CYP2F1: variants seen among roughly 807,000 people sequenced by gnomAD.
CYP2F1 encodes cytochrome P450 2F1.
CYP2F1 carries 33 observed loss-of-function variants against 40.4 expected under a neutral mutation model. The observed-to-expected ratio is 0.82, with a 90% CI of 0.62 to 1.09. The LOEUF (loss-of-function observed/expected upper bound fraction) is 1.09. Ranked by LOEUF, CYP2F1 falls within the 50% of genes least tolerant of loss-of-function variation. The probability of loss-of-function intolerance (pLI) is 0.00; values close to 1 mark genes in which losing one functional copy is unlikely to be tolerated. For missense variants in CYP2F1, 566 were observed against 655.7 expected (o/e 0.86, Z 1.49); for synonymous variants, 235 against 277.2 (o/e 0.85, Z 1.51).
chr19:41,119,625 G>T (rs1438432781), intron 3 of CYP2F1, among the ~76,000 whole-genome samples: 1 of 149,362 alleles, frequency 6.7e-6, no homozygotes, highest in Non-Finnish European at 1.5e-5. Context: ...GGAGGCGGAG[G>T]TTGCAGTAAG....
At chr19:41,119,723 C>CTCTCTCTCTCTCTATATATATA (rs1478574507) in intron 3 of CYP2F1, among the ~76,000 whole-genome samples, 2 of 35,802 alleles carry the variant, frequency 5.6e-5, no homozygotes, top group Non-Finnish European at 1.0e-4. Context: ...CTCTCTCTCT[C>CTCTCTCTCTCTCTATATATATA]TATATATATA....
intron 4 of CYP2F1, 36 bp downstream of exon 4, chr19:41,120,532 T>A: frequency 6.3e-7 from 1 of 1,580,830 alleles, no homozygotes; most frequent in Non-Finnish European, 8.6e-7. Flanking sequence ...GATGGCACGA[T>A]CTTTTTTTTT....
intron 7 of CYP2F1, chr19:41,123,247 G>A: frequency 3.8e-6 from 2 of 524,674 alleles, no homozygotes; most frequent in South Asian, 3.1e-5. Flanking sequence ...ACCCAGGCTG[G>A]AGTGCAGTGG....
chr19:41,124,693 G>A (rs1468468819), intron 7 of CYP2F1, 26 bp from the exon 8 acceptor site: 10 of 1,591,900 alleles, frequency 6.3e-6, no homozygotes, highest in African/African-American at 1.3e-5. Context: ...TGATACCCTC[G>A]ACCCCGCTTC....
chr19:41,115,012 C>T (rs989942113), intron 1 of CYP2F1, among the ~76,000 whole-genome samples: 11 of 152,042 alleles, frequency 7.2e-5, no homozygotes, highest in African/African-American at 1.7e-4. Context: ...TCAAGTGATC[C>T]GCCTGCCTCG....
chr19:41,118,357 A>C (rs2031945654), intron 3 of CYP2F1, among the ~76,000 whole-genome samples: 2 of 152,152 alleles, frequency 1.3e-5, no homozygotes, highest in Middle Eastern at 3.2e-3. Context: ...GGGATCCTGG[A>C]GACCTGCATC....
chr19:41,124,574 A>G, intron 7 of CYP2F1, 145 bp from the exon 8 acceptor site: 2 of 731,754 alleles, frequency 2.7e-6, no homozygotes, highest in Non-Finnish European at 4.4e-6. Flanking sequence ...GCTCTAGCTA[A>G]TTCTCACGTG....
Position 41,124,805 on chromosome 19 carries a change from G to T in CYP2F1, c.1051G>T (p.Ala351Ser). Residue 351 changes from alanine to serine, a missense_variant, in exon 8 of 10, where the codon GCG (alanine) becomes TCG (serine). Ala to Ser is a moderately conservative substitution (Grantham distance 99). This residue lies in a region of CYP2F1 where 128 missense variants were observed against 121.0 expected (regional missense o/e 1.06). Coordinates refer to ENST00000331105, the MANE Select transcript of CYP2F1 (RefSeq NM_000774.5). ...CCGCGCGGCCATGCCTTACACAGAC[G>T]CGGTGATCCACGAGGTGCAGCGCTT... ...KDRAAMPYTD[A>S]VIHEVQRFAD... is the part of the protein sequence containing the mutation. The T allele has an allele frequency of 3.7e-6, 6 of 1,611,456 alleles. No homozygotes were observed. The highest frequency in any genetic ancestry group is 4.2e-6 in the Non-Finnish European group (5 of 1,179,800).
chr19:41,126,446 T>C (rs770709889), intron 9 of CYP2F1, among the ~76,000 whole-genome samples: 3 of 149,482 alleles, frequency 2.0e-5, no homozygotes, highest in Non-Finnish European at 4.4e-5. Context: ...TAAATAATAA[T>C]TATAATAATT....
rs1373000672 is a variant in CYP2F1 at position 41,119,746 on chromosome 19, T to TAC, written c.335-600_335-599insCA. ...CTCTATATATATATATATATATATATATACACACACACACACACACACACA... is the reference window on the plus strand; with the variant it reads ...CTCTATATATATATATATATATATATACATACACACACACACACACACACACA... On this transcript the variant is annotated intron_variant, in intron 3 of 9. Transcript: ENST00000331105. Among the ~76,000 whole-genome samples, 287 of 54,188 alleles carry TAC rather than the reference T, an allele frequency of 5.3e-3. 3 individuals are homozygous for TAC. The highest frequency in any genetic ancestry group is 9.6e-3 in the East Asian group (12 of 1,244). 35.5% of individuals were successfully genotyped at this position (54,188 alleles called of 152,430 possible).
intron 4 of CYP2F1, 71 bp downstream of exon 4, chr19:41,120,567 G>A: frequency 6.5e-7 from 1 of 1,546,818 alleles, no homozygotes; most frequent in Non-Finnish European, 8.8e-7. Flanking sequence ...TGGCAGCCTT[G>A]ACCTCCTGGG....
intron 3 of CYP2F1, among the ~76,000 whole-genome samples, chr19:41,119,293 C>T (rs948741130): frequency 1.5e-4 from 23 of 152,092 alleles, no homozygotes; most frequent in African/African-American, 4.8e-5. Flanking sequence ...TTTTTCTTGC[C>T]TATCTCTCTT....
chr19:41,118,447 A>G (rs1050363437), intron 3 of CYP2F1, among the ~76,000 whole-genome samples: 7 of 152,058 alleles, frequency 4.6e-5, no homozygotes, highest in Non-Finnish European at 1.0e-4. Context: ...CAGCTGCCCC[A>G]GGATTTGAAA....
intron 8 of CYP2F1, 29 bp downstream of exon 8, chr19:41,124,935 G>A (rs775168328): frequency 1.3e-6 from 2 of 1,572,026 alleles, no homozygotes; most frequent in South Asian, 2.3e-5. Flanking sequence ...ACGACATCAG[G>A]CAACCTAAGA....
chr19:41,117,858 A>C (rs111856649), intron 3 of CYP2F1, among the ~76,000 whole-genome samples: 5 of 122,336 alleles, frequency 4.1e-5, no homozygotes, highest in African/African-American at 6.1e-5. Context: ...TTATTTATTT[A>C]TTTATTTTTG....
Position 41,124,807 on chromosome 19 carries a change from G to T in CYP2F1, c.1053G>T (p.Ala351=). The T allele has an allele frequency of 6.2e-7, 1 of 1,611,262 alleles. No homozygotes were observed. ...KDRAAMPYTD[A]VIHEVQRFAD... is the part of the protein sequence containing the mutation. ...GCGCGGCCATGCCTTACACAGACGCGGTGATCCACGAGGTGCAGCGCTTTG... is the reference window on the plus strand; with the variant it reads ...GCGCGGCCATGCCTTACACAGACGCTGTGATCCACGAGGTGCAGCGCTTTG... Residue 351 remains alanine, a synonymous_variant, in exon 8 of 10, where the codon GCG becomes GCT. Coordinates refer to ENST00000331105, the MANE Select transcript of CYP2F1 (RefSeq NM_000774.5).
At chr19:41,124,636 A>G (rs2032439248) in intron 7 of CYP2F1, 83 bp from the exon 8 acceptor site, 15 of 1,268,952 alleles carry the variant, frequency 1.2e-5, no homozygotes, top group Non-Finnish European at 1.1e-5. Flanking sequence ...ACGCCTCCCC[A>G]CACACGCACA....
chr19:41,116,998 A>G (rs2031855691), intron 3 of CYP2F1, among the ~76,000 whole-genome samples: 1 of 151,940 alleles, frequency 6.6e-6, no homozygotes, highest in Admixed American at 6.6e-5. Context: ...TGTTCACCAC[A>G]TCAGCCCCAC....
At chr19:41,114,897 G>A (rs2031701678) in intron 1 of CYP2F1, among the ~76,000 whole-genome samples, 1 of 148,374 alleles carries the variant, frequency 6.7e-6, no homozygotes, top group Non-Finnish European at 1.5e-5. Context: ...AGCCTCCTGA[G>A]TAGCTGGGAT....
Sources: gnomAD v4.1 joint callset for allele counts (sites outside exome capture counted in the v4.1 genomes callset) on GRCh38, gnomAD v4.1.1 for gene constraint, gnomAD v4.1.1 regional missense constraint, MANE v1.5 for transcripts, NCBI Gene and HGNC (gene_info 2026-07-23, HGNC 2026-07-21) for gene names.